The following TMC1 variants were observed in gnomAD, a reference collection of about 807,000 sequenced individuals.
TMC1 encodes the protein transmembrane channel-like protein 1.
In TMC1, 84 loss-of-function variants were observed where a neutral mutation model predicts 105.8. The ratio of observed to expected loss-of-function variants is 0.79; its 90% confidence interval spans 0.67 to 0.95. The LOEUF (loss-of-function observed/expected upper bound fraction) is 0.95. TMC1 is among the 40% of genes least tolerant of loss of function. The pLI, the probability that TMC1 is intolerant of heterozygous loss-of-function variation, is 0.00. For synonymous variants in TMC1, 315 were observed against 311.5 expected (o/e 1.01, Z -0.12); for missense variants, 817 against 914.1 (o/e 0.89, Z 1.37).
At chr9:72,644,789 T>C (rs1324491682) in intron 4 of TMC1, among the ~76,000 whole-genome samples, 1 of 152,194 alleles carries the variant, frequency 6.6e-6, no homozygotes, top group Non-Finnish European at 1.5e-5. Context: ...AGGTATGGAA[T>C]TTTAAAATTT....
intron 3 of TMC1, among the ~76,000 whole-genome samples, chr9:72,616,964 G>A (rs1290295256): frequency 1.3e-5 from 2 of 152,002 alleles, no homozygotes; most frequent in African/African-American, 2.4e-5. Context: ...AAATTGTTTA[G>A]TCTTGCCATT....
At position 72,792,859 on chromosome 9, in the gene TMC1, G is replaced by A. The variant is rs1479701915; in HGVS notation, c.1566+507G>A. On this transcript the variant is annotated intron_variant, in intron 17 of 23. Coordinates refer to ENST00000297784, the MANE Select transcript of TMC1 (RefSeq NM_138691.3). ...TAGCACCTTCAACCGAAACATCCAG[G>A]TACATGCATTGGATCTAATCAAGGA... Among the ~76,000 whole-genome samples, 5 of 152,274 alleles carry A rather than the reference G, an allele frequency of 3.3e-5. No homozygotes were observed. The South Asian group carries it at 6.2e-4, about 19-fold the overall frequency.
chr9:72,686,247 T>C (rs1826378454), intron 5 of TMC1, among the ~76,000 whole-genome samples: 1 of 152,146 alleles, frequency 6.6e-6, no homozygotes, highest in Non-Finnish European at 1.5e-5. Flanking sequence ...ATTTTTAAAG[T>C]GCATGATCAA....
At chr9:72,737,360 C>T (rs1326179025) in intron 8 of TMC1, among the ~76,000 whole-genome samples, 1 of 152,202 alleles carries the variant, frequency 6.6e-6, no homozygotes, top group Non-Finnish European at 1.5e-5. Flanking sequence ...TCAACACGTT[C>T]ACATCTATGA....
intron 8 of TMC1, among the ~76,000 whole-genome samples, chr9:72,732,154 C>T (rs1827221308): frequency 1.3e-5 from 2 of 152,062 alleles, no homozygotes; most frequent in Non-Finnish European, 1.5e-5. Context: ...GCATAATTGC[C>T]TAGTCTTTGA....
chr9:72,569,745 C>T (rs1003427888), intron 1 of TMC1, among the ~76,000 whole-genome samples: 2 of 152,100 alleles, frequency 1.3e-5, no homozygotes, highest in Admixed American at 6.5e-5. Flanking sequence ...GGAAGCCAGG[C>T]TAAAGAGATG....
At chr9:72,803,516 G>C (rs557411982) in intron 17 of TMC1, among the ~76,000 whole-genome samples, 9 of 152,018 alleles carry the variant, frequency 5.9e-5, no homozygotes, top group African/African-American at 2.2e-4. Flanking sequence ...AATCTACAAA[G>C]AACTTAAACA....
chr9:72,613,187 A>G (rs1342207793), intron 2 of TMC1, among the ~76,000 whole-genome samples: 2 of 148,754 alleles, frequency 1.3e-5, no homozygotes, highest in Admixed American at 1.4e-4. Context: ...GCTGGAGTGC[A>G]ATGGCGGGAT....
At chr9:72,834,092 G>T (rs1829082950) in intron 23 of TMC1, among the ~76,000 whole-genome samples, 1 of 140,666 alleles carries the variant, frequency 7.1e-6, no homozygotes, top group South Asian at 2.2e-4. Context: ...TTGTCTCTTT[G>T]CTTTACCTAT....
At chr9:72,607,127 T>C (rs1464373709) in intron 2 of TMC1, among the ~76,000 whole-genome samples, 1 of 151,870 alleles carries the variant, frequency 6.6e-6, no homozygotes, top group Non-Finnish European at 1.5e-5. Context: ...GCCCAATACA[T>C]TGTAGATACT....
At chr9:72,765,514 G>C (rs1232932420) in intron 12 of TMC1, among the ~76,000 whole-genome samples, 1 of 151,538 alleles carries the variant, frequency 6.6e-6, no homozygotes, top group Non-Finnish European at 1.5e-5. Context: ...ATTCCAAGCA[G>C]AGAGATCGGC....
At chr9:72,703,855 G>A (rs952193687) in intron 8 of TMC1, among the ~76,000 whole-genome samples, 6 of 152,232 alleles carry the variant, frequency 3.9e-5, no homozygotes, top group African/African-American at 1.4e-4. Flanking sequence ...GCACCTATGG[G>A]TTCCAGCTGG....
intron 1 of TMC1, among the ~76,000 whole-genome samples, chr9:72,551,506 G>A (rs532989627): frequency 3.3e-4 from 50 of 152,260 alleles, no homozygotes; most frequent in Non-Finnish European, 4.4e-4. Flanking sequence ...TGCCAGAATC[G>A]TGGAAGCAGA....
intron 5 of TMC1, among the ~76,000 whole-genome samples, chr9:72,658,338 A>G (rs1825914744): frequency 6.6e-6 from 1 of 152,088 alleles, no homozygotes; most frequent in Non-Finnish European, 1.5e-5. Context: ...CGTCTAAAAA[A>G]AAAAAAAAAA....
At chr9:72,528,891 C>T (rs974878750) in intron 1 of TMC1, among the ~76,000 whole-genome samples, 6 of 151,808 alleles carry the variant, frequency 4.0e-5, no homozygotes, top group South Asian at 2.1e-4. Context: ...TGTATCCCTG[C>T]CTTCCATATC....
At chr9:72,598,622 G>A (rs1587980567) in intron 2 of TMC1, among the ~76,000 whole-genome samples, 1 of 152,274 alleles carries the variant, frequency 6.6e-6, no homozygotes, top group South Asian at 2.1e-4. Context: ...TGAGGGCCTG[G>A]TCTTAGGTCA....
intron 8 of TMC1, among the ~76,000 whole-genome samples, chr9:72,716,110 G>C (rs1213337226): frequency 6.6e-6 from 1 of 152,230 alleles, no homozygotes; most frequent in African/African-American, 2.4e-5. Flanking sequence ...AGCAAAGATT[G>C]CTACCTGTTC....
At chr9:72,657,700 G>A (rs984753565) in intron 5 of TMC1, among the ~76,000 whole-genome samples, 28 of 152,024 alleles carry the variant, frequency 1.8e-4, no homozygotes, top group Admixed American at 1.6e-3. Flanking sequence ...ATGAAATTCC[G>A]CTTTTGTCTA....
intron 1 of TMC1, among the ~76,000 whole-genome samples, chr9:72,533,744 G>T (rs1414503381): frequency 6.6e-6 from 1 of 152,154 alleles, no homozygotes; most frequent in East Asian, 1.9e-4. Flanking sequence ...CTGCTCCTTT[G>T]TGTAATTGGT....
Sources: allele counts gnomAD v4.1 joint callset (sites outside exome capture counted in the v4.1 genomes callset), GRCh38; gene constraint gnomAD v4.1.1; transcripts MANE v1.5; gene names NCBI Gene and HGNC (gene_info 2026-07-23, HGNC 2026-07-21).